GIGYF2: variants seen among roughly 807,000 people sequenced by gnomAD.
GIGYF2 encodes GRB10 interacting GYF protein 2, also known as GRB10-interacting GYF protein 2.
In GIGYF2, 25 loss-of-function variants were observed where a neutral mutation model predicts 208.1. That is an observed-to-expected ratio of 0.12 (90% CI 0.09 to 0.17). The LOEUF is 0.17. Ranked by LOEUF, GIGYF2 falls within the 10% of genes least tolerant of loss-of-function variation. The probability of loss-of-function intolerance (pLI) is 1.00; values close to 1 mark genes in which losing one functional copy is unlikely to be tolerated. For synonymous variants in GIGYF2, 534 were observed against 543.8 expected (o/e 0.98, Z 0.25); for missense variants, 1,302 against 1,579.4 (o/e 0.82, Z 2.98).
Position 232,859,094 on chromosome 2 carries a change from A to G in GIGYF2, c.*2234A>G, listed in dbSNP as rs965792715. ...CTTGCTTCTATCTGAGGAATTTCCCACTTAGTAGAAAGAAACACTCTTCCC... is the reference window on the plus strand; with the variant it reads ...CTTGCTTCTATCTGAGGAATTTCCCGCTTAGTAGAAAGAAACACTCTTCCC... On this transcript the variant is annotated 3_prime_UTR_variant, in exon 29 of 29. Coordinates refer to ENST00000373563, the MANE Select transcript of GIGYF2 (RefSeq NM_001103146.3). The G allele has an allele frequency of 6.6e-6, 1 of 152,274 alleles. No individual in the cohort carries two copies. Among genetic ancestry groups the G allele is most frequent in the African/African-American group, 2.4e-5 (1 of 41,426 alleles). The allele number at this position is 152,274 out of a possible 1,614,324, so 9.4% of individuals were successfully genotyped here. A position where few individuals can be genotyped will look rare whatever the true frequency, so the allele number is the denominator to read the frequency against.
At chr2:232,712,256 A>G (rs895401113) in intron 2 of GIGYF2, among the ~76,000 whole-genome samples, 5 of 152,230 alleles carry the variant, frequency 3.3e-5, no homozygotes, top group Non-Finnish European at 5.9e-5. Context: ...TGTTCCGTGA[A>G]AAAAAGCAGC....
At chr2:232,855,080 C>CTTTTTTTTTTTTTTTTTTTTTTTTTT (rs201395041) in intron 28 of GIGYF2, among the ~76,000 whole-genome samples, 2 of 109,190 alleles carry the variant, frequency 1.8e-5, no homozygotes, top group Non-Finnish European at 3.5e-5. Flanking sequence ...CTTTTTCTTT[C>CTTTTTTTTTTTTTTTTTTTTTTTTTT]TTTTTTTTTT....
chr2:232,703,091 T>C (rs866153020), intron 1 of GIGYF2, among the ~76,000 whole-genome samples: 2 of 152,284 alleles, frequency 1.3e-5, no homozygotes, highest in Middle Eastern at 3.4e-3. Context: ...TGGCAGTAGG[T>C]TTTAAAAGTT....
At chr2:232,741,511 C>T (rs1215297745) in intron 3 of GIGYF2, among the ~76,000 whole-genome samples, 1 of 150,566 alleles carries the variant, frequency 6.6e-6, no homozygotes, top group African/African-American at 2.4e-5. Flanking sequence ...GGTGTGATCT[C>T]GGCTCACTGC....
chr2:232,843,236 G>C (rs1293297081), intron 23 of GIGYF2, among the ~76,000 whole-genome samples: 1 of 151,314 alleles, frequency 6.6e-6, no homozygotes, highest in East Asian at 1.9e-4. Flanking sequence ...TTTTATTTCT[G>C]TGCTTAACCA....
At chr2:232,703,886 T>A (rs1695966485) in intron 2 of GIGYF2, among the ~76,000 whole-genome samples, 1 of 152,200 alleles carries the variant, frequency 6.6e-6, no homozygotes, top group Non-Finnish European at 1.5e-5. Context: ...TTGTCTCTTT[T>A]TGTCCTGCTT....
chr2:232,775,429 A>G (rs1375103983), intron 8 of GIGYF2, among the ~76,000 whole-genome samples: 9 of 152,228 alleles, frequency 5.9e-5, no homozygotes, highest in African/African-American at 9.6e-5. Flanking sequence ...TACAAAGGAT[A>G]CAAGTTTCCT....
At chr2:232,821,489 C>T (rs111376641) in intron 21 of GIGYF2, among the ~76,000 whole-genome samples, 44 of 152,306 alleles carry the variant, frequency 2.9e-4, no homozygotes, top group African/African-American at 8.2e-4. Context: ...TGAGCCACCG[C>T]GCCTGGCCAA....
intron 15 of GIGYF2, among the ~76,000 whole-genome samples, chr2:232,809,491 TTTC>T (rs1188119020): frequency 6.6e-6 from 1 of 152,198 alleles, no homozygotes; most frequent in East Asian, 1.9e-4. Context: ...ATAAGGACCC[TTTC>T]TCACCTTAGG....
intron 2 of GIGYF2, chr2:232,729,715 G>A: frequency 2.6e-6 from 2 of 759,906 alleles, no homozygotes; most frequent in Admixed American, 1.8e-5. Flanking sequence ...GAATGCCTCT[G>A]ATGCACTCCT....
At chr2:232,814,576 C>CG (rs755681303) in intron 18 of GIGYF2, among the ~76,000 whole-genome samples, 1 of 135,796 alleles carries the variant, frequency 7.4e-6, no homozygotes, top group Non-Finnish European at 1.6e-5. Context: ...CCCCCCCCCC[C>CG]CAAAAAAAAA....
intron 8 of GIGYF2, among the ~76,000 whole-genome samples, chr2:232,784,010 A>T (rs114319064): frequency 0.012 from 1,872 of 152,238 alleles, 45 homozygotes; most frequent in African/African-American, 0.042. Flanking sequence ...TTTTACTTGT[A>T]GTATCAATAA....
chr2:232,809,213 G>A (rs1259740121), intron 15 of GIGYF2, among the ~76,000 whole-genome samples: 1 of 152,112 alleles, frequency 6.6e-6, no homozygotes, highest in African/African-American at 2.4e-5. Context: ...AAAGTGCTGG[G>A]ATTACAGGTG....
chr2:232,736,196 T>G (rs961293267), intron 3 of GIGYF2: 1 of 972,640 alleles, frequency 1.0e-6, no homozygotes, highest in African/African-American at 1.8e-5. Flanking sequence ...CCGATGGAAC[T>G]CCTGTATTTT....
Position 232,856,957 on chromosome 2 carries a change from T to A in GIGYF2, c.*97T>A. On this transcript the variant is annotated 3_prime_UTR_variant, in exon 29 of 29. Transcript: ENST00000373563. ...TTACTCACCATTTACTCTTTATCACTCTGCAACAAATCACAGAACCGATCA... is the reference window on the plus strand; with the variant it reads ...TTACTCACCATTTACTCTTTATCACACTGCAACAAATCACAGAACCGATCA... 1.2e-6 allele frequency: 1 copy of A among 854,606 alleles called. No homozygotes were observed. Among genetic ancestry groups the A allele is most frequent in the Non-Finnish European group, 2.1e-6 (1 of 487,744 alleles). The allele number at this position is 854,606 out of a possible 1,614,324, so 52.9% of individuals were successfully genotyped here. A position where few individuals can be genotyped will look rare whatever the true frequency, so the allele number is the denominator to read the frequency against.
rs1701932602 is a variant in GIGYF2, at chr2:232,844,459, A to G, written c.3190A>G (p.Ser1064Gly). The G allele has an allele frequency of 2.5e-6, 4 of 1,611,662 alleles. No individual in the cohort carries two copies. Among genetic ancestry groups the G allele is most frequent in the African/African-American group, 1.3e-5 (1 of 74,852 alleles). Residue 1064 changes from serine to glycine, a missense_variant, in exon 25 of 29, where the codon AGT (serine) becomes GGT (glycine). By Grantham distance (56) the Ser-to-Gly change is moderately conservative. This residue lies in a region of GIGYF2 where 701 missense variants were observed against 793.0 expected (regional missense o/e 0.88). Coordinates refer to ENST00000373563, the MANE Select transcript of GIGYF2 (RefSeq NM_001103146.3). ...CCAGTGGGCATCTGACCTAGTCAGT[A>G]GTATTTGGAGTAATGCTGACACTAA... ...PNQWASDLVS[S>G]IWSNADTKNS...
chr2:232,792,678 C>G (rs1045648678), intron 12 of GIGYF2, among the ~76,000 whole-genome samples: 1 of 152,186 alleles, frequency 6.6e-6, no homozygotes, highest in East Asian at 1.9e-4. Flanking sequence ...CCTTAGCTTC[C>G]TGGTTAGCTC....
chr2:232,774,120 AG>A (rs1489556780), intron 8 of GIGYF2, among the ~76,000 whole-genome samples: 2 of 151,190 alleles, frequency 1.3e-5, no homozygotes, highest in African/African-American at 4.9e-5. Flanking sequence ...TGTCTCTAAA[AG>A]AAAAAAAAAA....
At chr2:232,699,083 CAG>C (rs772050275) in intron 1 of GIGYF2, among the ~76,000 whole-genome samples, 34 of 152,058 alleles carry the variant, frequency 2.2e-4, no homozygotes, top group Non-Finnish European at 4.1e-4. Context: ...AAAAATGAGT[CAG>C]GGAGATAGAA....
Sources: gnomAD v4.1 joint callset for allele counts (sites outside exome capture counted in the v4.1 genomes callset) on GRCh38, gnomAD v4.1.1 for gene constraint, gnomAD v4.1.1 regional missense constraint, MANE v1.5 for transcripts, NCBI Gene and HGNC (gene_info 2026-07-23, HGNC 2026-07-21) for gene names.